TSKS: variants seen among roughly 807,000 people sequenced by gnomAD.
TSKS encodes testis specific serine kinase substrate.
In TSKS, 27 loss-of-function variants were observed where a neutral mutation model predicts 68.0. That is an observed-to-expected ratio of 0.40 (90% confidence interval 0.29 to 0.55). The LOEUF (loss-of-function observed/expected upper bound fraction) is 0.55. Ranked by LOEUF, TSKS falls within the 20% of genes least tolerant of loss-of-function variation. TSKS has a pLI of 0.53. For synonymous variants in TSKS, 331 were observed against 340.4 expected (o/e 0.97, Z 0.30); for missense variants, 806 against 776.0 (o/e 1.04, Z -0.46).
rs781750996 is a variant in TSKS at position 49,739,824 on chromosome 19, G to T, written c.1731C>A (p.Ser577Arg). 6.2e-7 allele frequency: 1 copy of T among 1,608,428 alleles called. No homozygotes were observed. The highest frequency in any genetic ancestry group is 8.5e-7 in the Non-Finnish European group (1 of 1,174,908). ...EGSTGTMGGG[S>R]SAGTPPKQGG... is the part of the protein sequence containing the mutation. ...CCTGTTTTGGGGGGGTTCCTGCACT[G>T]CTGCCTCCCCCCATTGTTCCCGTGG... The change falls in exon 11 of 11, where the codon AGC becomes AGA. Residue 577 changes from serine (S) to arginine (R), a missense_variant. Coordinates refer to ENST00000246801, the MANE Select transcript of TSKS (RefSeq NM_021733.2).
At chr19:49,757,160 G>A (rs1207684316) in intron 2 of TSKS, among the ~76,000 whole-genome samples, 4 of 152,200 alleles carry the variant, frequency 2.6e-5, no homozygotes, top group Admixed American at 2.6e-4. Context: ...TCTAGGGAAC[G>A]ATAGCCTCAA....
intron 2 of TSKS, among the ~76,000 whole-genome samples, chr19:49,760,556 C>T (rs919405488): frequency 3.3e-5 from 5 of 150,800 alleles, no homozygotes; most frequent in African/African-American, 7.3e-5. Flanking sequence ...AGACTGGTCT[C>T]GAACTCCTGA....
chr19:49,761,989 G>A lies in TSKS; in HGVS notation c.399+15C>T, dbSNP rs2084444815. On this transcript the variant is annotated intron_variant, in intron 2 of 10. Transcript: ENST00000246801. ...ACCTCGGTCCTCCCCAGCGGGTGGT[G>A]TGGAGGGCCCTCACCAGGATTTCCG... 1 of 1,602,914 alleles carries A rather than the reference G, an allele frequency of 6.2e-7. No homozygotes were observed. Among genetic ancestry groups the A allele is most frequent in the African/African-American group, 1.3e-5 (1 of 74,720 alleles).
Position 49,762,020 on chromosome 19 carries a change from T to C in TSKS, c.383A>G (p.Asp128Gly), listed in dbSNP as rs777057765. 6.2e-7 allele frequency: 1 copy of C among 1,613,728 alleles called. No individual in the cohort carries two copies. The highest frequency in any genetic ancestry group is 1.7e-5 in the Admixed American group (1 of 60,002). Residue 128 changes from aspartate (D) to glycine (G), a missense_variant, in exon 2 of 11, where the codon GAC becomes GGC. Coordinates refer to ENST00000246801, the MANE Select transcript of TSKS (RefSeq NM_021733.2). Reference sequence around the variant, plus strand: ...GGCCCTCACCAGGATTTCCGTGATGTCTGCGTCATCCGGATCCCAGGGTAG... The same window carrying C: ...GGCCCTCACCAGGATTTCCGTGATGCCTGCGTCATCCGGATCCCAGGGTAG... The part of the protein sequence containing the change: ...PTLPWDPDDA[D>G]ITEILSGVNS...
chr19:49,759,638 A>G (rs1385119441), intron 2 of TSKS, among the ~76,000 whole-genome samples: 4 of 130,994 alleles, frequency 3.1e-5, no homozygotes, highest in Non-Finnish European at 6.2e-5. Context: ...ACAGAACAAG[A>G]CCCAGTCTCA....
intron 2 of TSKS, among the ~76,000 whole-genome samples, chr19:49,761,507 C>G (rs2084440054): frequency 6.6e-6 from 1 of 152,210 alleles, no homozygotes; most frequent in Admixed American, 6.5e-5. Context: ...ACCCCCCAGC[C>G]TGGCTTGAGG....
intron 6 of TSKS, 68 bp from the exon 7 acceptor site, chr19:49,745,464 A>G: frequency 1.5e-6 from 2 of 1,327,094 alleles, no homozygotes; most frequent in Non-Finnish European, 2.0e-6. Flanking sequence ...CCCCCACGAG[A>G]TAGGTGGGAC....
chr19:49,761,583 C>T (rs969139545), intron 2 of TSKS, among the ~76,000 whole-genome samples: 2 of 152,200 alleles, frequency 1.3e-5, no homozygotes, highest in Non-Finnish European at 2.9e-5. Flanking sequence ...TTGCCCCCAC[C>T]AGACTGGGAG....
At chr19:49,754,076 G>A (rs1384134028) in intron 2 of TSKS, among the ~76,000 whole-genome samples, 4 of 150,458 alleles carry the variant, frequency 2.7e-5, no homozygotes. Context: ...GTAGAGATGG[G>A]GGTTTCACCA....
chr19:49,763,211 T>C lies in TSKS; in HGVS notation c.37A>G (p.Lys13Glu). The stretch of plus-strand genomic sequence containing the variant: ...GTGTCCCCGGCCTCATGGATCTCTT[T>C]GGACTGCCAGATCGTCTTCACCACC... ...SVVVKTIWQS[K>E]EIHEAGDTPT... Residue 13 changes from lysine (K) to glutamate (E), a missense_variant, in exon 1 of 11, where the codon AAA becomes GAA. By Grantham distance (56) the Lys-to-Glu change is moderately conservative. Transcript: ENST00000246801. This position sits in a 1 kb window ranked among gnomAD's most constrained non-coding sequence, Gnocchi z 4.5. 1 of 1,548,882 alleles carries C rather than the reference T, an allele frequency of 6.5e-7. No individual in the cohort carries two copies. Among genetic ancestry groups the C allele is most frequent in the South Asian group, 1.2e-5 (1 of 83,368 alleles).
At chr19:49,749,373 G>A (rs1449966965) in intron 2 of TSKS, among the ~76,000 whole-genome samples, 1 of 152,198 alleles carries the variant, frequency 6.6e-6, no homozygotes, top group Non-Finnish European at 1.5e-5. Flanking sequence ...ATGACACCAT[G>A]TGGCCTCTGG....
intron 2 of TSKS, among the ~76,000 whole-genome samples, chr19:49,758,371 G>A (rs1322533180): frequency 6.6e-6 from 1 of 152,192 alleles, no homozygotes; most frequent in African/African-American, 2.4e-5. Flanking sequence ...GGAACTTGAA[G>A]CCCGTTAGAG....
chr19:49,760,573 GATCCACCCGCCTC>G, intron 2 of TSKS, among the ~76,000 whole-genome samples: 1 of 151,886 alleles, frequency 6.6e-6, no homozygotes, highest in East Asian at 1.9e-4. Context: ...CTGACCTCAT[GATCCACCCGCCTC>G]GGCCTCCCAA....
chr19:49,752,942 AGGT>A (rs2084362901), intron 2 of TSKS, among the ~76,000 whole-genome samples: 1 of 152,250 alleles, frequency 6.6e-6, no homozygotes, highest in Admixed American at 6.5e-5. Context: ...TGAGTGTTAA[AGGT>A]GTGCCTCATC....
chr19:49,754,275 G>T (rs1050891040), intron 2 of TSKS, among the ~76,000 whole-genome samples: 6 of 151,348 alleles, frequency 4.0e-5, no homozygotes, highest in African/African-American at 1.5e-4. Flanking sequence ...AAGGCAGGTG[G>T]ATCACCTGAG....
At chr19:49,741,583 T>C (rs1219590932) in intron 9 of TSKS, among the ~76,000 whole-genome samples, 1 of 152,174 alleles carries the variant, frequency 6.6e-6, no homozygotes, top group African/African-American at 2.4e-5. Context: ...CTATGTTCCA[T>C]GAAGCTTTAG....
chr19:49,740,297 C>CA, intron 9 of TSKS, 114 bp from the exon 10 acceptor site: 1 of 1,303,210 alleles, frequency 7.7e-7, no homozygotes. Flanking sequence ...ATTTCTCCCT[C>CA]AGAGTTTCCC....
Position 49,746,464 on chromosome 19 carries a change from G to C in TSKS, c.992+6C>G, listed in dbSNP as rs371570133. On this transcript the variant is annotated splice_donor_region_variant and intron_variant, in intron 6 of 10. Transcript: ENST00000246801. ...TTTCGAGGCTCCGCCCCTAGGTCCC[G>C]CCCACCTCAGCTCTTCGATGCCGGT... 19 of 1,613,598 alleles carry C rather than the reference G, an allele frequency of 1.2e-5. No individual in the cohort carries two copies. The highest frequency in any genetic ancestry group is 6.7e-5 in the African/African-American group (5 of 74,928).
At chr19:49,753,288 C>T (rs1342830519) in intron 2 of TSKS, among the ~76,000 whole-genome samples, 3 of 151,940 alleles carry the variant, frequency 2.0e-5, no homozygotes, top group East Asian at 3.9e-4. Flanking sequence ...ATAGGCCGGG[C>T]GTGTTGGCTC....
Sources: allele counts gnomAD v4.1 joint callset (sites outside exome capture counted in the v4.1 genomes callset), GRCh38; gene constraint gnomAD v4.1.1; non-coding constraint Gnocchi (gnomAD v3.1); transcripts MANE v1.5; gene names NCBI Gene and HGNC (gene_info 2026-07-23, HGNC 2026-07-21).